EPHB1: variants seen among roughly 807,000 people sequenced by gnomAD.
The protein encoded by EPHB1 is ephrin type-B receptor 1.
Under a neutral mutation model 94.4 loss-of-function variants are expected in EPHB1, and 30 were observed. That is an observed-to-expected ratio of 0.32 (90% CI 0.24 to 0.43). The LOEUF (loss-of-function observed/expected upper bound fraction) is 0.43, where lower values mean the gene tolerates loss of function less well. Among genes scored for constraint, EPHB1 ranks in the 20% least tolerant of loss-of-function variants. The pLI, the probability that EPHB1 is intolerant of heterozygous loss-of-function variation, is 1.00. For synonymous variants in EPHB1, 522 were observed against 489.1 expected, an observed-to-expected ratio of 1.07 and a Z score of -0.89; for missense variants, 1,055 against 1,308.3, an observed-to-expected ratio of 0.81 and a Z score of 2.99.
chr3:134,926,009 A>G, intron 2 of EPHB1, 129 bp downstream of exon 2: 1 of 751,040 alleles, frequency 1.3e-6, no homozygotes. Flanking sequence ...GGCTGTGTCC[A>G]CTGCCCATCC....
chr3:135,181,377 C>G (rs189261264), intron 10 of EPHB1, among the ~76,000 whole-genome samples: 23 of 152,344 alleles, frequency 1.5e-4, no homozygotes, highest in African/African-American at 5.1e-4. Context: ...CCACGACTTT[C>G]ACTTCTGTGC....
At position 134,936,193 on chromosome 3, in the gene EPHB1, G is replaced by A. The variant is rs74990860; in HGVS notation, c.123+10313G>A. ...CAAATGTTCAAAAAGAAAAAGGGTA[G>A]CTTTTTAAAGTAACAAACCAGTGAG... On this transcript the variant is annotated intron_variant, in intron 2 of 15. Transcript: ENST00000398015. Among the ~76,000 whole-genome samples the A allele has an allele frequency of 9.0e-3, 1,366 of 152,322 alleles. 25 individuals carry two copies. Among genetic ancestry groups the A allele is most frequent in the African/African-American group, 0.031 (1,292 of 41,562 alleles).
At chr3:134,802,113 C>T (rs759821282) in intron 1 of EPHB1, among the ~76,000 whole-genome samples, 1 of 152,066 alleles carries the variant, frequency 6.6e-6, no homozygotes. Context: ...GGAGTGGGTG[C>T]ACACCCCAGG....
intron 3 of EPHB1, among the ~76,000 whole-genome samples, chr3:135,047,361 G>A (rs1937026471): frequency 6.6e-6 from 1 of 152,212 alleles, no homozygotes; most frequent in Non-Finnish European, 1.5e-5. Context: ...TACCTTGGCA[G>A]ACAGGTGCCT....
intron 2 of EPHB1, among the ~76,000 whole-genome samples, chr3:134,935,335 A>T (rs566214138): frequency 5.3e-5 from 8 of 152,322 alleles, no homozygotes; most frequent in African/African-American, 1.9e-4. Flanking sequence ...TTGTCAGAAG[A>T]AAGATGAGCC....
chr3:135,127,240 T>G lies in EPHB1; in HGVS notation c.962-5474T>G, dbSNP rs1284907010. On this transcript the variant is annotated intron_variant, in intron 4 of 15. Transcript: ENST00000398015. Reference sequence around the variant, plus strand: ...CCTCAGAGTCTGAAAAATCATGTGTTGCAACACGTGTTCACTTTTCTGGGG... The same window carrying G: ...CCTCAGAGTCTGAAAAATCATGTGTGGCAACACGTGTTCACTTTTCTGGGG... 2.0e-5 allele frequency among the ~76,000 whole-genome samples: 3 copies of G among 152,362 alleles called. No individual in the cohort carries two copies. In the South Asian group the frequency reaches 6.2e-4, roughly 32 times the overall value.
At chr3:134,816,831 C>T (rs763844068) in intron 1 of EPHB1, among the ~76,000 whole-genome samples, 14 of 151,898 alleles carry the variant, frequency 9.2e-5, no homozygotes, top group South Asian at 2.1e-4. Context: ...CCTGACATGA[C>T]GTATCATGGC....
At chr3:135,179,197 C>T (rs566426051) in intron 9 of EPHB1, among the ~76,000 whole-genome samples, 1 of 152,184 alleles carries the variant, frequency 6.6e-6, no homozygotes, top group Admixed American at 6.5e-5. Flanking sequence ...TCAGTGTGTC[C>T]GAAGGCATGA....
At chr3:134,838,567 T>C (rs1450342020) in intron 1 of EPHB1, among the ~76,000 whole-genome samples, 1 of 152,202 alleles carries the variant, frequency 6.6e-6, no homozygotes, top group African/African-American at 2.4e-5. Context: ...TATGCTCAAA[T>C]TTAAAACCAC....
intron 12 of EPHB1, among the ~76,000 whole-genome samples, chr3:135,235,814 A>T (rs1943637974): frequency 6.6e-6 from 1 of 152,150 alleles, no homozygotes; most frequent in African/African-American, 2.4e-5. Flanking sequence ...AGGCAGGATG[A>T]CAAAGGGCAG....
chr3:134,834,423 C>T (rs1018836099), intron 1 of EPHB1, among the ~76,000 whole-genome samples: 5 of 152,038 alleles, frequency 3.3e-5, no homozygotes, highest in Non-Finnish European at 5.9e-5. Flanking sequence ...AAACTCCTGA[C>T]TCTGGATAGT....
chr3:135,201,439 G>A (rs373369590), intron 11 of EPHB1, 35 bp from the exon 12 acceptor site: 51 of 1,609,176 alleles, frequency 3.2e-5, no homozygotes, highest in South Asian at 2.7e-4. Flanking sequence ...ATTGAAGCCC[G>A]TCTTGATCCC....
At chr3:134,999,082 A>G (rs1935091105) in intron 3 of EPHB1, among the ~76,000 whole-genome samples, 1 of 152,206 alleles carries the variant, frequency 6.6e-6, no homozygotes, top group African/African-American at 2.4e-5. Flanking sequence ...TAGTGAGTCA[A>G]GTAAACCCGA....
intron 1 of EPHB1, among the ~76,000 whole-genome samples, chr3:134,802,117 C>A (rs2035945648): frequency 6.6e-6 from 1 of 152,046 alleles, no homozygotes; most frequent in East Asian, 1.9e-4. Context: ...TGGGTGCACA[C>A]CCCAGGGTAG....
chr3:134,955,451 G>T (rs1933231133), intron 3 of EPHB1, among the ~76,000 whole-genome samples: 1 of 92,430 alleles, frequency 1.1e-5, no homozygotes, highest in African/African-American at 5.5e-5. Flanking sequence ...CATTTTTTAT[G>T]GCTGCATAGT....
chr3:135,228,088 T>C (rs1559882759), intron 12 of EPHB1, among the ~76,000 whole-genome samples: 1 of 152,360 alleles, frequency 6.6e-6, no homozygotes, highest in East Asian at 1.9e-4. Context: ...ATCTATATTC[T>C]AATTTTGTCA....
chr3:135,242,905 T>C (rs1943820871), intron 13 of EPHB1, among the ~76,000 whole-genome samples: 6 of 151,768 alleles, frequency 4.0e-5, no homozygotes, highest in Admixed American at 3.9e-4. Flanking sequence ...TGGTACAACT[T>C]TGTCTCTGCT....
chr3:135,241,544 G>A (rs1392519602), intron 13 of EPHB1, among the ~76,000 whole-genome samples: 1 of 152,224 alleles, frequency 6.6e-6, no homozygotes, highest in Non-Finnish European at 1.5e-5. Flanking sequence ...TCCAACCCAA[G>A]AGACAATGGG....
intron 3 of EPHB1, among the ~76,000 whole-genome samples, chr3:134,996,246 T>C (rs1237440305): frequency 6.6e-6 from 1 of 152,154 alleles, no homozygotes; most frequent in African/African-American, 2.4e-5. Flanking sequence ...CAGGTGGGAG[T>C]GCAGTGGTGC....
Sources: allele counts gnomAD v4.1 joint callset (sites outside exome capture counted in the v4.1 genomes callset), GRCh38; gene constraint gnomAD v4.1.1; transcripts MANE v1.5; gene names NCBI Gene and HGNC (gene_info 2026-07-23, HGNC 2026-07-21).